Variants in CERS6 observed in about 807,000 individuals in gnomAD.
The protein encoded by CERS6 is LAG1 homolog, ceramide synthase 6.
CERS6 carries 26 observed loss-of-function variants against 56.8 expected under a neutral mutation model. The ratio of observed to expected loss-of-function variants is 0.46; its 90% CI spans 0.34 to 0.63. The LOEUF (loss-of-function observed/expected upper bound fraction) is 0.63, where lower values mean the gene tolerates loss of function less well. CERS6 is among the 30% of genes least tolerant of loss of function. CERS6 has a pLI of 0.01. For missense variants in CERS6, 415 were observed against 467.5 expected (o/e 0.89, Z 1.04); for synonymous variants, 164 against 173.3 (o/e 0.95, Z 0.42).
rs938385228 is a variant in CERS6, at chr2:168,529,982, G to A, written c.171-17614G>A. Among the ~76,000 whole-genome samples, 4 of 151,940 alleles carry A rather than the reference G, an allele frequency of 2.6e-5. No individual in the cohort carries two copies. In the South Asian group the frequency reaches 8.3e-4, roughly 32 times the overall value. On this transcript the variant is annotated intron_variant, in intron 1 of 9. Transcript: ENST00000305747. ...GGCCTATAAGACAGTCTGTGTAGAG[G>A]CGCTGAAGGCCTGCTTCTCGCAGCT...
At chr2:168,460,377 TG>T (rs565525147) in intron 1 of CERS6, among the ~76,000 whole-genome samples, 5 of 151,964 alleles carry the variant, frequency 3.3e-5, no homozygotes, top group Non-Finnish European at 5.9e-5. Context: ...TGTAATTTTT[TG>T]TAGAGATGGG....
intron 3 of CERS6, among the ~76,000 whole-genome samples, chr2:168,615,735 A>G (rs571528078): frequency 1.1e-4 from 16 of 152,322 alleles, no homozygotes; most frequent in South Asian, 6.2e-4. Context: ...AAATGACCAA[A>G]CCTAAGAATA....
chr2:168,736,587 C>T (rs1358920729), intron 8 of CERS6, among the ~76,000 whole-genome samples: 1 of 152,206 alleles, frequency 6.6e-6, no homozygotes, highest in East Asian at 1.9e-4. Context: ...GCCTCAGCCT[C>T]CAGTGCCTGG....
At chr2:168,743,218 G>T (rs1683977411) in intron 8 of CERS6, among the ~76,000 whole-genome samples, 1 of 125,330 alleles carries the variant, frequency 8.0e-6, no homozygotes, top group African/African-American at 2.6e-5. Context: ...GTGTGTATGT[G>T]TGTGTGTATA....
chr2:168,580,822 C>A (rs1237993007), intron 3 of CERS6, among the ~76,000 whole-genome samples: 1 of 152,126 alleles, frequency 6.6e-6, no homozygotes, highest in Non-Finnish European at 1.5e-5. Context: ...TATATCATCG[C>A]ACTGTCTTCT....
rs1053029276 is a variant in CERS6 at position 168,691,457 on chromosome 2, C to G, written c.516+373C>G. On this transcript the variant is annotated intron_variant, in intron 5 of 9. Coordinates refer to ENST00000305747, the MANE Select transcript of CERS6 (RefSeq NM_203463.3). ...TGCCTCAACAGCAAGTGGGAAAGATCAAGTGTGAGGCTAGAGCAGGTACAC... is the reference window on the plus strand; with the variant it reads ...TGCCTCAACAGCAAGTGGGAAAGATGAAGTGTGAGGCTAGAGCAGGTACAC... Among the ~76,000 whole-genome samples, 4 of 152,140 alleles carry G rather than the reference C, an allele frequency of 2.6e-5. No individual in the cohort carries two copies. The South Asian group carries it at 8.3e-4, about 31-fold the overall frequency.
intron 1 of CERS6, among the ~76,000 whole-genome samples, chr2:168,538,722 C>A (rs1391126612): frequency 6.6e-6 from 1 of 152,222 alleles, no homozygotes; most frequent in Admixed American, 6.5e-5. Flanking sequence ...AGGGCTGATA[C>A]ATAATAGATG....
chr2:168,618,306 C>T (rs1055344299), intron 3 of CERS6, among the ~76,000 whole-genome samples: 1 of 152,164 alleles, frequency 6.6e-6, no homozygotes, highest in Non-Finnish European at 1.5e-5. Flanking sequence ...AAAGCATTCC[C>T]TCTGAAAACA....
intron 1 of CERS6, among the ~76,000 whole-genome samples, chr2:168,517,174 G>A (rs1022952857): frequency 4.6e-5 from 7 of 151,760 alleles, no homozygotes; most frequent in African/African-American, 1.7e-4. Context: ...AGGATGTACT[G>A]TTGGGATCAG....
At chr2:168,639,331 A>C (rs1422933751) in intron 4 of CERS6, among the ~76,000 whole-genome samples, 3 of 152,222 alleles carry the variant, frequency 2.0e-5, no homozygotes, top group Admixed American at 6.5e-5. Context: ...ATTTGATAGG[A>C]AGTATTGATC....
At chr2:168,558,721 T>G (rs545811616) in intron 2 of CERS6, among the ~76,000 whole-genome samples, 1 of 152,104 alleles carries the variant, frequency 6.6e-6, no homozygotes. Context: ...TACAAAAAAT[T>G]AGCAGGGTGT....
chr2:168,463,387 T>A (rs1558958888), intron 1 of CERS6, among the ~76,000 whole-genome samples: 1 of 152,360 alleles, frequency 6.6e-6, no homozygotes, highest in South Asian at 2.1e-4. Context: ...TACCATAATT[T>A]ACTTAACCAG....
At chr2:168,719,818 A>C (rs948170070) in intron 8 of CERS6, among the ~76,000 whole-genome samples, 1 of 152,240 alleles carries the variant, frequency 6.6e-6, no homozygotes, top group African/African-American at 2.4e-5. Flanking sequence ...AAAGAAATAT[A>C]ATGCAGGCTT....
At chr2:168,727,883 T>C (rs1001504781) in intron 8 of CERS6, among the ~76,000 whole-genome samples, 2 of 152,236 alleles carry the variant, frequency 1.3e-5, no homozygotes, top group Non-Finnish European at 2.9e-5. Flanking sequence ...ATAAGGTATT[T>C]TGGTGTGTTT....
At chr2:168,510,001 A>G (rs1195241181) in intron 1 of CERS6, among the ~76,000 whole-genome samples, 2 of 152,178 alleles carry the variant, frequency 1.3e-5, no homozygotes, top group Non-Finnish European at 2.9e-5. Context: ...AAAAGCAGGT[A>G]ACAATAACAT....
At chr2:168,589,542 C>G (rs1347613815) in intron 3 of CERS6, among the ~76,000 whole-genome samples, 1 of 152,190 alleles carries the variant, frequency 6.6e-6, no homozygotes, top group Non-Finnish European at 1.5e-5. Flanking sequence ...CTTTTTTACC[C>G]AGTTCCAATA....
intron 3 of CERS6, among the ~76,000 whole-genome samples, chr2:168,583,464 T>A (rs1402249258): frequency 6.6e-6 from 1 of 152,240 alleles, no homozygotes; most frequent in Non-Finnish European, 1.5e-5. Flanking sequence ...TAGCTTTCCT[T>A]GCTTCTTTTT....
At chr2:168,694,094 A>G (rs1332934369) in intron 5 of CERS6, among the ~76,000 whole-genome samples, 5 of 152,190 alleles carry the variant, frequency 3.3e-5, no homozygotes, top group African/African-American at 7.2e-5. Flanking sequence ...ATGAGTTTCA[A>G]ATGTTTTTCA....
At chr2:168,546,111 G>C (rs535313582) in intron 1 of CERS6, among the ~76,000 whole-genome samples, 7 of 152,268 alleles carry the variant, frequency 4.6e-5, no homozygotes, top group Admixed American at 4.6e-4. Context: ...TCTAGACTCT[G>C]TCTTGTGGTC....
Sources: allele counts gnomAD v4.1 joint callset (sites outside exome capture counted in the v4.1 genomes callset), GRCh38; gene constraint gnomAD v4.1.1; transcripts MANE v1.5; gene names NCBI Gene and HGNC (gene_info 2026-07-23, HGNC 2026-07-21).